MAMDC2: variants seen among roughly 807,000 people sequenced by gnomAD.
MAMDC2 encodes the protein MAM domain-containing protein 2.
Under a neutral mutation model 89.8 loss-of-function variants are expected in MAMDC2, and 57 were observed. That is an observed-to-expected ratio of 0.63 (90% CI 0.51 to 0.79). The LOEUF is 0.79. MAMDC2 is among the 30% of genes least tolerant of loss of function. MAMDC2 has a pLI of 0.00. For missense variants in MAMDC2, 800 were observed against 820.6 expected, an observed-to-expected ratio of 0.97 and a Z score of 0.31; for synonymous variants, 313 against 293.4, an observed-to-expected ratio of 1.07 and a Z score of -0.68.
In MAMDC2 at chr9:70,143,766, A is replaced by T. The variant is rs771068506; in HGVS notation, c.1351A>T (p.Arg451Trp). 5.0e-6 allele frequency: 8 copies of T among 1,614,056 alleles called. No individual in the cohort carries two copies. Among genetic ancestry groups the T allele is most frequent in the Non-Finnish European group, 6.8e-6 (8 of 1,180,024 alleles). The change falls in exon 9 of 14, where the codon AGG (arginine) becomes TGG (tryptophan). Residue 451 changes from arginine (R) to tryptophan (W), a missense_variant. By Grantham distance (101) the Arg-to-Trp change is moderately radical. Coordinates refer to ENST00000377182, the MANE Select transcript of MAMDC2 (RefSeq NM_153267.5). ...EKIWSVLESPRGVWMQAEITF... is the reference protein window; with the variant it reads ...EKIWSVLESPWGVWMQAEITF... ...GATCTGGTCTGTGTTGGAGTCCCCA[A>T]GGGGTGTTTGGATGCAAGCTGAAAT...
chr9:70,110,492 G>C (rs1828478689), intron 4 of MAMDC2, among the ~76,000 whole-genome samples: 1 of 152,198 alleles, frequency 6.6e-6, no homozygotes, highest in South Asian at 2.1e-4. Flanking sequence ...TAGTTAAGTG[G>C]AGGTGCAGGG....
At chr9:70,084,531 TCTCAC>T (rs963715396) in intron 2 of MAMDC2, among the ~76,000 whole-genome samples, 5 of 152,064 alleles carry the variant, frequency 3.3e-5, no homozygotes, top group African/African-American at 1.2e-4. Flanking sequence ...GGTTCTTTTT[TCTCAC>T]CTCACCCCCT....
chr9:70,044,855 G>A (rs1488073975), intron 2 of MAMDC2, among the ~76,000 whole-genome samples, 158 bp downstream of exon 2: 1 of 152,240 alleles, frequency 6.6e-6, no homozygotes, highest in Non-Finnish European at 1.5e-5. Flanking sequence ...GTGCTGCAAG[G>A]GATGGCCGAG....
chr9:70,119,254 A>C (rs564300985), intron 5 of MAMDC2, among the ~76,000 whole-genome samples: 70 of 152,268 alleles, frequency 4.6e-4, no homozygotes, highest in South Asian at 1.5e-3. Context: ...GATTTAAAAA[A>C]CCAAGCCTGC....
chr9:70,084,978 T>C (rs963501344), intron 2 of MAMDC2, among the ~76,000 whole-genome samples: 2 of 152,086 alleles, frequency 1.3e-5, no homozygotes, highest in African/African-American at 4.8e-5. Flanking sequence ...TAATATAGAA[T>C]TTTATTACAT....
At chr9:70,121,144 G>A (rs1411100332) in intron 5 of MAMDC2, among the ~76,000 whole-genome samples, 1 of 152,214 alleles carries the variant, frequency 6.6e-6, no homozygotes, top group African/African-American at 2.4e-5. Flanking sequence ...ATGCTGGTGA[G>A]CCAGACTGCT....
At chr9:70,200,169 G>GT (rs1563996699) in intron 11 of MAMDC2, among the ~76,000 whole-genome samples, 2 of 152,130 alleles carry the variant, frequency 1.3e-5, no homozygotes, top group Non-Finnish European at 2.9e-5. Flanking sequence ...TTCTCCTAGG[G>GT]TTTTTACGGT....
chr9:70,045,706 T>G (rs549354302), intron 2 of MAMDC2, among the ~76,000 whole-genome samples: 1 of 152,290 alleles, frequency 6.6e-6, no homozygotes, highest in Non-Finnish European at 1.5e-5. Context: ...GGGTTCTGCA[T>G]ACATTAGCTT....
chr9:70,179,473 G>C (rs956672456), intron 11 of MAMDC2, among the ~76,000 whole-genome samples: 1 of 150,728 alleles, frequency 6.6e-6, no homozygotes, highest in Non-Finnish European at 1.5e-5. Context: ...GCAGTGAGCC[G>C]AGATCATGCC....
At chr9:70,073,356 T>C (rs1050949247) in intron 2 of MAMDC2, among the ~76,000 whole-genome samples, 2 of 152,202 alleles carry the variant, frequency 1.3e-5, no homozygotes, top group Admixed American at 6.5e-5. Context: ...ATAATAAAGG[T>C]TCCTAGTTGT....
intron 7 of MAMDC2, among the ~76,000 whole-genome samples, chr9:70,134,334 T>G (rs1217853586): frequency 8.7e-6 from 1 of 114,592 alleles, no homozygotes; most frequent in Non-Finnish European, 1.7e-5. Context: ...CATCCCCCAC[T>G]TCCTTCTCCA....
chr9:70,187,473 A>G (rs941274381), intron 11 of MAMDC2, among the ~76,000 whole-genome samples: 4 of 152,142 alleles, frequency 2.6e-5, no homozygotes, highest in African/African-American at 9.7e-5. Context: ...TGCATTCCAA[A>G]TAATTCATTT....
chr9:70,071,216 C>A (rs567203059), intron 2 of MAMDC2, among the ~76,000 whole-genome samples: 3 of 152,054 alleles, frequency 2.0e-5, no homozygotes, highest in Admixed American at 2.0e-4. Context: ...GAAGACCAAC[C>A]GTGAGATGAA....
At chr9:70,201,900 T>A (rs1382353552) in intron 11 of MAMDC2, among the ~76,000 whole-genome samples, 1 of 140,744 alleles carries the variant, frequency 7.1e-6, no homozygotes, top group Non-Finnish European at 1.5e-5. Context: ...GGTGGTGATA[T>A]CCCCTTTATC....
intron 11 of MAMDC2, among the ~76,000 whole-genome samples, chr9:70,200,430 T>C (rs1219162343): frequency 2.0e-5 from 3 of 150,490 alleles, no homozygotes; most frequent in African/African-American, 7.3e-5. Flanking sequence ...TTGGTACCAG[T>C]ACCATGCTGT....
intron 2 of MAMDC2, among the ~76,000 whole-genome samples, chr9:70,105,116 G>T (rs184925481): frequency 3.1e-4 from 47 of 152,214 alleles, no homozygotes; most frequent in Non-Finnish European, 5.9e-5. Flanking sequence ...ACAAGGCAGG[G>T]AAAGGCAACA....
rs2030540548 is a variant in MAMDC2 at position 70,126,255 on chromosome 9, T to TG, written c.741dup (p.Ser248ValfsTer11). 1 of 1,614,082 alleles carries TG rather than the reference T, an allele frequency of 6.2e-7. No homozygotes were observed. Among genetic ancestry groups the TG allele is most frequent in the Non-Finnish European group, 8.5e-7 (1 of 1,180,042 alleles). The stretch of plus-strand genomic sequence containing the variant: ...ACCACGGCCCCCATGGCTGGCTGCC[T>TG]GTCATTTTATTACCAGATCCAGCAG... On this transcript the variant is annotated frameshift_variant, in exon 6 of 14. Coordinates refer to ENST00000377182, the MANE Select transcript of MAMDC2 (RefSeq NM_153267.5). LOFTEE classifies it high-confidence loss of function.
intron 1 of MAMDC2, 72 bp downstream of exon 1, chr9:70,044,303 G>T (rs899885816): frequency 3.1e-5 from 48 of 1,534,100 alleles, no homozygotes; most frequent in Non-Finnish European, 3.8e-5. Flanking sequence ...GCCCCCGGGG[G>T]TCCGGCTCAC....
At chr9:70,079,021 C>G (rs1438329611) in intron 2 of MAMDC2, among the ~76,000 whole-genome samples, 3 of 152,140 alleles carry the variant, frequency 2.0e-5, no homozygotes, top group Non-Finnish European at 4.4e-5. Flanking sequence ...AACTGTCCAT[C>G]TGAGAATCCC....
Sources: gnomAD v4.1 joint callset for allele counts (sites outside exome capture counted in the v4.1 genomes callset) on GRCh38, gnomAD v4.1.1 for gene constraint, MANE v1.5 for transcripts, NCBI Gene and HGNC (gene_info 2026-07-23, HGNC 2026-07-21) for gene names.